Variants in ZKSCAN5 observed in about 807,000 individuals in gnomAD.
ZKSCAN5 encodes the protein zinc finger protein with KRAB and SCAN domains 5.
A neutral mutation model predicts 60.0 loss-of-function variants in ZKSCAN5; 28 were observed. The observed-to-expected ratio is 0.47, with a 90% CI of 0.35 to 0.64. ZKSCAN5 has a LOEUF of 0.64. Ranked by LOEUF, ZKSCAN5 falls within the 30% of genes least tolerant of loss-of-function variation. The probability of loss-of-function intolerance (pLI) is 0.01; values close to 1 mark genes in which losing one functional copy is unlikely to be tolerated. For synonymous variants in ZKSCAN5, 361 were observed against 371.2 expected (o/e 0.97, Z 0.31); for missense variants, 881 against 1,034.6 (o/e 0.85, Z 2.04).
At chr7:99,516,915 T>C (rs761555884) in intron 3 of ZKSCAN5, among the ~76,000 whole-genome samples, 26 of 152,222 alleles carry the variant, frequency 1.7e-4, no homozygotes, top group Non-Finnish European at 3.2e-4. Flanking sequence ...AAGGCTTACC[T>C]GTGTGCCCTT....
intron 5 of ZKSCAN5, among the ~76,000 whole-genome samples, chr7:99,520,790 A>G (rs1801502701): frequency 6.6e-6 from 1 of 152,278 alleles, no homozygotes; most frequent in South Asian, 2.1e-4. Flanking sequence ...ACCTGAGGTC[A>G]GGAGTTCAAG....
intron 3 of ZKSCAN5, among the ~76,000 whole-genome samples, chr7:99,515,330 A>G (rs1224039476): frequency 2.6e-5 from 4 of 151,546 alleles, no homozygotes; most frequent in Admixed American, 2.0e-4. Flanking sequence ...TGGCTTGAAC[A>G]CGGGAGGCAG....
intron 5 of ZKSCAN5, among the ~76,000 whole-genome samples, chr7:99,523,711 G>T (rs1801648664): frequency 6.6e-6 from 1 of 152,076 alleles, no homozygotes; most frequent in South Asian, 2.1e-4. Context: ...ATAGTTAAAT[G>T]AGGGAGGAAA....
intron 3 of ZKSCAN5, chr7:99,513,849 G>A (rs1047923747): frequency 2.2e-5 from 4 of 184,944 alleles, no homozygotes; most frequent in Admixed American, 1.8e-4. Flanking sequence ...CCAACATGAT[G>A]AAACCCCGTC....
At position 99,526,268 on chromosome 7, in the gene ZKSCAN5, G is replaced by C. The variant is rs1242903363; in HGVS notation, c.1228G>C (p.Ala410Pro). ...KPYKCQVCGK[A>P]FRVSSHLVQH... ...CTACAAATGTCAGGTGTGCGGAAAG[G>C]CTTTCCGGGTGAGTTCCCACCTGGT... The change falls in exon 6 of 7, where the codon GCT becomes CCT. Residue 410 changes from alanine (A) to proline (P), a missense_variant. By Grantham distance (27) the Ala-to-Pro change is conservative (BLOSUM62 -1). Around this residue, in one of 5 missense-constraint regions of ZKSCAN5, gnomAD observed 490 missense variants for 554.5 expected, o/e 0.88. Coordinates refer to ENST00000326775, the MANE Select transcript of ZKSCAN5 (RefSeq NM_145102.4). 4 of 1,613,744 alleles carry C rather than the reference G, an allele frequency of 2.5e-6. No individual in the cohort carries two copies. Among genetic ancestry groups the C allele is most frequent in the Non-Finnish European group, 2.5e-6 (3 of 1,180,028 alleles).
intron 5 of ZKSCAN5, among the ~76,000 whole-genome samples, chr7:99,525,060 G>T (rs999645375): frequency 5.9e-5 from 9 of 152,060 alleles, no homozygotes; most frequent in African/African-American, 1.7e-4. Context: ...CAGTGACTTG[G>T]GAGGCTGAGG....
At position 99,532,249 on chromosome 7, in the gene ZKSCAN5, G is replaced by C. The variant is rs774555647; in HGVS notation, c.2520G>C (p.Ter840TyrextTer4). ...TAAGTGTAGAGGGGTCTCTGTTGTAGAATAGCTCTTAATTTTAGAGAAACC... is the reference window on the plus strand; with the variant it reads ...TAAGTGTAGAGGGGTCTCTGTTGTACAATAGCTCTTAATTTTAGAGAAACC... ...NTLSVEGSLL[*>Y] The change falls in exon 7 of 7, where the codon TAG becomes TAC. Residue 840 changes from the stop codon to tyrosine (Y), a stop_lost. Coordinates refer to ENST00000326775, the MANE Select transcript of ZKSCAN5 (RefSeq NM_145102.4). 1 of 1,551,552 alleles carries C rather than the reference G, an allele frequency of 6.4e-7. No homozygotes were observed. Among genetic ancestry groups the C allele is most frequent in the Non-Finnish European group, 8.7e-7 (1 of 1,155,000 alleles).
chr7:99,510,218 G>A lies in ZKSCAN5; in HGVS notation c.415-2235G>A, dbSNP rs1584168297. ...CAAGGTGCTGGGGTTACAGGTGTGA[G>A]CCACTGTGCCCAGCCAGGTTTTAAA... On this transcript the variant is annotated intron_variant, in intron 2 of 6. Transcript: ENST00000326775. Among the ~76,000 whole-genome samples the A allele has an allele frequency of 2.0e-5, 3 of 151,674 alleles. No homozygotes were observed. The East Asian group carries it at 5.8e-4, about 29-fold the overall frequency.
chr7:99,505,804 T>G, intron 1 of ZKSCAN5: 1 of 420,354 alleles, frequency 2.4e-6, no homozygotes, highest in Non-Finnish European at 4.4e-6. Context: ...TTATTCCTTA[T>G]TATCATTTTG....
chr7:99,526,982 T>A (rs181049974), intron 6 of ZKSCAN5, among the ~76,000 whole-genome samples: 100 of 152,300 alleles, frequency 6.6e-4, no homozygotes, highest in East Asian at 9.6e-4. Flanking sequence ...TTTGGCTCTC[T>A]TATATGCTTT....
intron 6 of ZKSCAN5, among the ~76,000 whole-genome samples, chr7:99,527,519 T>C (rs543213418): frequency 6.6e-6 from 1 of 152,330 alleles, no homozygotes; most frequent in South Asian, 2.1e-4. Context: ...AATTAAATAT[T>C]AAGCGTACAC....
Position 99,506,178 on chromosome 7 carries a change from C to A in ZKSCAN5, c.134C>A (p.Thr45Lys). The A allele has an allele frequency of 6.2e-7, 1 of 1,614,176 alleles. No individual in the cohort carries two copies. The highest frequency in any genetic ancestry group is 1.7e-5 in the Admixed American group (1 of 60,010). The change falls in exon 2 of 7, where the codon ACG becomes AAG. Residue 45 changes from threonine to lysine, a missense_variant. Coordinates refer to ENST00000326775, the MANE Select transcript of ZKSCAN5 (RefSeq NM_145102.4). ...CTWMQEYNPP[T>K]FETFYQRFRH... ...TGGATGCAGGAGTACAACCCGCCAACGTTTGAGACTTTTTACCAGCGCTTC... is the reference window on the plus strand; with the variant it reads ...TGGATGCAGGAGTACAACCCGCCAAAGTTTGAGACTTTTTACCAGCGCTTC...
In ZKSCAN5 at chr7:99,533,226, G is replaced by A; in HGVS notation, c.*977G>A. 1.5e-6 allele frequency: 1 copy of A among 676,376 alleles called. No homozygotes were observed. The highest frequency in any genetic ancestry group is 2.7e-6 in the Non-Finnish European group (1 of 368,584). The allele number at this position is 676,376 out of a possible 1,614,324, so 41.9% of individuals were successfully genotyped here. On this transcript the variant is annotated 3_prime_UTR_variant, in exon 7 of 7. Coordinates refer to ENST00000326775, the MANE Select transcript of ZKSCAN5 (RefSeq NM_145102.4). ...TACAGAATGAGTTTCAGTTTGCATT[G>A]CAGCTGGGATTGAAAGTAATCAGTC... is the stretch of plus-strand genomic sequence containing the variant.
At chr7:99,511,276 G>A (rs944230700) in intron 2 of ZKSCAN5, among the ~76,000 whole-genome samples, 7 of 152,142 alleles carry the variant, frequency 4.6e-5, no homozygotes, top group African/African-American at 1.7e-4. Context: ...GAAGGGGTGT[G>A]AGGTAGCCTC....
At chr7:99,513,254 A>ACGT (rs1801121488) in intron 3 of ZKSCAN5, among the ~76,000 whole-genome samples, 1 of 151,982 alleles carries the variant, frequency 6.6e-6, no homozygotes, top group African/African-American at 2.4e-5. Flanking sequence ...ACACATGCAC[A>ACGT]CGTATGTTTA....
chr7:99,520,424 T>A (rs1437138202), intron 5 of ZKSCAN5, 120 bp downstream of exon 5: 17 of 1,210,686 alleles, frequency 1.4e-5, no homozygotes, highest in Non-Finnish European at 1.8e-5. Flanking sequence ...TGCTTTTTTT[T>A]ATTTTTTGTA....
chr7:99,511,680 C>T lies in ZKSCAN5; in HGVS notation c.415-773C>T, dbSNP rs1410616407. 3.3e-5 allele frequency among the ~76,000 whole-genome samples: 5 copies of T among 152,052 alleles called. No homozygotes were observed. In the South Asian group the frequency reaches 8.3e-4, roughly 25 times the overall value. On this transcript the variant is annotated intron_variant, in intron 2 of 6. Coordinates refer to ENST00000326775, the MANE Select transcript of ZKSCAN5 (RefSeq NM_145102.4). ...CTTGTCTTGAACTCCTGGGCTCAAG[C>T]GATCCTCCTGCTTCAGCCTCCGAAA...
chr7:99,507,147 A>G (rs1336349075), intron 2 of ZKSCAN5, among the ~76,000 whole-genome samples: 1 of 152,152 alleles, frequency 6.6e-6, no homozygotes, highest in Non-Finnish European at 1.5e-5. Flanking sequence ...TTCTGTATGT[A>G]TAAGCATATA....
At position 99,531,120 on chromosome 7, in the gene ZKSCAN5, GAAGT is replaced by G. The variant is rs1216739107; in HGVS notation, c.1395_1398del (p.Ser465ArgfsTer5). 6.3e-7 allele frequency: 1 copy of G among 1,579,994 alleles called. No individual in the cohort carries two copies. The highest frequency in any genetic ancestry group is 1.7e-4 in the Middle Eastern group (1 of 5,892). On this transcript the variant is annotated frameshift_variant, in exon 7 of 7. Coordinates refer to ENST00000326775, the MANE Select transcript of ZKSCAN5 (RefSeq NM_145102.4). LOFTEE classifies it high-confidence loss of function. ...TTATTTTTTTTAGGCAGTGACAAAA[GAAGT>G]AAGAACACAAAATTAAGTGTTAAGA...
Sources: allele counts gnomAD v4.1 joint callset (sites outside exome capture counted in the v4.1 genomes callset), GRCh38; gene constraint gnomAD v4.1.1; regional missense constraint gnomAD v4.1.1; transcripts MANE v1.5; gene names NCBI Gene and HGNC (gene_info 2026-07-23, HGNC 2026-07-21).